Variants in CACNA1I observed in about 807,000 individuals in gnomAD.
The protein encoded by CACNA1I is voltage-dependent T-type calcium channel subunit alpha-1I.
CACNA1I carries 74 observed loss-of-function variants against 201.6 expected under a neutral mutation model. The ratio of observed to expected loss-of-function variants is 0.37; its 90% confidence interval spans 0.30 to 0.45. CACNA1I has a LOEUF of 0.45. Ranked by LOEUF, CACNA1I falls within the 20% of genes least tolerant of loss-of-function variation. The probability of loss-of-function intolerance (pLI) is 1.00; values close to 1 mark genes in which losing one functional copy is unlikely to be tolerated. For missense variants in CACNA1I, 2,346 were observed against 3,138.1 expected (o/e 0.75, Z 6.03); for synonymous variants, 1,431 against 1,345.2 (o/e 1.06, Z -1.40).
chr22:39,675,312 A>C (rs1935486267), intron 29 of CACNA1I, among the ~76,000 whole-genome samples: 1 of 152,220 alleles, frequency 6.6e-6, no homozygotes, highest in Non-Finnish European at 1.5e-5. Context: ...AGTGCCATTT[A>C]AGAGGCTGCT....
intron 3 of CACNA1I, among the ~76,000 whole-genome samples, chr22:39,602,871 G>A (rs1933108807): frequency 6.6e-6 from 1 of 152,074 alleles, no homozygotes; most frequent in Non-Finnish European, 1.5e-5. Context: ...GGTGCTTTTG[G>A]CCAGGTGCAG....
intron 27 of CACNA1I, 36 bp from the exon 28 acceptor site, chr22:39,672,913 A>G: frequency 1.3e-6 from 2 of 1,593,874 alleles, no homozygotes; most frequent in Non-Finnish European, 1.7e-6. Flanking sequence ...GATCCTCCTC[A>G]TGCCCACTCC....
chr22:39,661,217 C>G lies in CACNA1I; in HGVS notation c.2808C>G (p.Leu936=), dbSNP rs1228935382. 3.1e-6 allele frequency: 5 copies of G among 1,612,312 alleles called. No homozygotes were observed. The highest frequency in any genetic ancestry group is 1.7e-4 in the Middle Eastern group (1 of 6,060). The part of the protein sequence containing the change: ...PAGAAGPAPR[L]SLQPDPMLVA... ...GGGCTGCGGGACCTGCCCCCCGACT[C>G]TCACTGCAGCCGGACCCCATGCTGG... The change falls in exon 16 of 37, where the codon CTC becomes CTG. Residue 936 remains leucine (L), a synonymous_variant. Transcript: ENST00000402142.
In CACNA1I at chr22:39,648,044, T is replaced by G. The variant is rs1934543907; in HGVS notation, c.1567+118T>G. 3 of 846,640 alleles carry G rather than the reference T, an allele frequency of 3.5e-6. No homozygotes were observed. The highest frequency in any genetic ancestry group is 5.6e-6 in the Non-Finnish European group (3 of 534,232). The allele number at this position is 846,640 out of a possible 1,614,324, so 52.4% of individuals were successfully genotyped here. On this transcript the variant is annotated intron_variant, in intron 9 of 36. Coordinates refer to ENST00000402142, the MANE Select transcript of CACNA1I (RefSeq NM_021096.4). The surrounding 1 kb of genome is among the most constrained non-coding windows in gnomAD (Gnocchi z 5.4). ...CGGCGCTTGAGCAGCCGCGACCCTC[T>G]GCAGGCCTGTCTCCCTCTATAAAGT...
intron 4 of CACNA1I, among the ~76,000 whole-genome samples, chr22:39,624,456 C>T (rs757776060): frequency 1.3e-5 from 2 of 152,340 alleles, no homozygotes; most frequent in East Asian, 1.9e-4. Flanking sequence ...TAGTGGCCAC[C>T]GCTGGGCAGT....
At position 39,646,592 on chromosome 22, in the gene CACNA1I, C is replaced by T; in HGVS notation, c.1173C>T (p.Asn391=). 1 of 1,565,436 alleles carries T rather than the reference C, an allele frequency of 6.4e-7. No homozygotes were observed. ...AGGTGGGCTCCTTCTTCATGATCAA[C>T]CTGTGCCTCGTTGTCATAGCGACCC... is the stretch of plus-strand genomic sequence containing the variant. ...LIIVGSFFMI[N]LCLVVIATQF... is the part of the protein sequence containing the mutation. The change falls in exon 8 of 37, where the codon AAC becomes AAT. Residue 391 remains asparagine (N), a synonymous_variant. Coordinates refer to ENST00000402142, the MANE Select transcript of CACNA1I (RefSeq NM_021096.4).
Position 39,666,099 on chromosome 22 carries a change from C to A in CACNA1I, c.4104+93C>A. 6.9e-7 allele frequency: 1 copy of A among 1,450,642 alleles called. No homozygotes were observed. The highest frequency in any genetic ancestry group is 9.4e-7 in the Non-Finnish European group (1 of 1,062,160). The allele number at this position is 1,450,642 out of a possible 1,614,324, so 89.9% of individuals were successfully genotyped here. ...ACAGACCTGGCTTGTCTTGCACTGC[C>A]AGGACTGACACTGACTTCTCCTCTC... On this transcript the variant is annotated intron_variant, in intron 23 of 36. Transcript: ENST00000402142. This position sits in a 1 kb window ranked among gnomAD's most constrained non-coding sequence, Gnocchi z 4.1.
chr22:39,647,703 C>A, intron 8 of CACNA1I, 119 bp from the exon 9 acceptor site: 1 of 709,608 alleles, frequency 1.4e-6, no homozygotes, highest in Non-Finnish European at 2.5e-6. Context: ...CATGAGCCAC[C>A]GCCCCTGGCC....
intron 4 of CACNA1I, among the ~76,000 whole-genome samples, chr22:39,622,935 G>A (rs547845259): frequency 2.0e-5 from 3 of 152,312 alleles, no homozygotes; most frequent in South Asian, 4.1e-4. Flanking sequence ...TCCAGGCCAC[G>A]GAGCCCACAG....
At chr22:39,620,958 A>G (rs1036525540) in intron 4 of CACNA1I, among the ~76,000 whole-genome samples, 6 of 152,048 alleles carry the variant, frequency 3.9e-5, no homozygotes, top group Non-Finnish European at 8.8e-5. Flanking sequence ...AGGTTTCACC[A>G]TATTGGTCAG....
rs139767087 is a variant in CACNA1I at position 39,665,805 on chromosome 22, C to G, written c.3979-76C>G. 3.6e-5 allele frequency: 57 copies of G among 1,594,880 alleles called. No homozygotes were observed. Among genetic ancestry groups the G allele is most frequent in the Admixed American group, 8.4e-5 (5 of 59,828 alleles). ...CTGAGCACAAGACAGTCTGAGTAAA[C>G]GCGATCGAGAGGCGAGTTCCTCTCT... On this transcript the variant is annotated intron_variant, in intron 22 of 36. Coordinates refer to ENST00000402142, the MANE Select transcript of CACNA1I (RefSeq NM_021096.4). The surrounding 1 kb of genome is among the most constrained non-coding windows in gnomAD (Gnocchi z 5.5).
At chr22:39,621,324 TC>T (rs1413119999) in intron 4 of CACNA1I, among the ~76,000 whole-genome samples, 1 of 151,398 alleles carries the variant, frequency 6.6e-6, no homozygotes, top group African/African-American at 2.4e-5. Flanking sequence ...TGGCACCTGC[TC>T]CCCCTCCACA....
At chr22:39,670,333 GAT>G in intron 25 of CACNA1I, 103 bp downstream of exon 25, 1 of 1,206,152 alleles carries the variant, frequency 8.3e-7, no homozygotes, top group Non-Finnish European at 1.1e-6. Context: ...GGGAACAAAA[GAT>G]ACAGCCCCTG....
chr22:39,680,987 C>A lies in CACNA1I; in HGVS notation c.5599C>A (p.Leu1867Met), dbSNP rs1279002340. The change falls in exon 34 of 37, where the codon CTG becomes ATG. Residue 1867 changes from leucine (L) to methionine (M), a missense_variant. Transcript: ENST00000402142. ...GAACTCAGACAGGTCCTCGTCCATC[C>A]TGCTGGGTGACGACCTGAGTCTCGA... ...SLNSDRSSSI[L>M]LGDDLSLEDP... 5 of 1,612,062 alleles carry A rather than the reference C, an allele frequency of 3.1e-6. No individual in the cohort carries two copies. Among genetic ancestry groups the A allele is most frequent in the Non-Finnish European group, 4.2e-6 (5 of 1,179,570 alleles).
intron 4 of CACNA1I, among the ~76,000 whole-genome samples, chr22:39,622,402 G>A (rs1046476669): frequency 1.3e-4 from 20 of 151,742 alleles, no homozygotes; most frequent in Non-Finnish European, 2.2e-4. Flanking sequence ...CGGCAGTAGC[G>A]GGGGTTCAGG....
At chr22:39,674,567 T>C (rs2082947694) in intron 29 of CACNA1I, among the ~76,000 whole-genome samples, 1 of 152,186 alleles carries the variant, frequency 6.6e-6, no homozygotes, top group African/African-American at 2.4e-5. Context: ...GAAGTTGCTC[T>C]ACCCGCACCC....
chr22:39,673,918 C>G (rs757685290), intron 28 of CACNA1I, 45 bp from the exon 29 acceptor site: 3 of 1,594,468 alleles, frequency 1.9e-6, no homozygotes, highest in Non-Finnish European at 2.6e-6. Flanking sequence ...ACACACGTCC[C>G]CACCGGCCTG....
intron 7 of CACNA1I, among the ~76,000 whole-genome samples, chr22:39,645,176 A>AG (rs1276076175): frequency 6.6e-6 from 1 of 152,018 alleles, no homozygotes; most frequent in Non-Finnish European, 1.5e-5. Context: ...TAGTAGAGAC[A>AG]GGATTTCATG....
At chr22:39,587,895 C>T (rs913486410) in intron 1 of CACNA1I, 4 of 302,804 alleles carry the variant, frequency 1.3e-5, no homozygotes, top group African/African-American at 9.1e-5. Flanking sequence ...CCTGCCTCAG[C>T]TTCTGGAGTA....
Sources: gnomAD v4.1 joint callset for allele counts (sites outside exome capture counted in the v4.1 genomes callset) on GRCh38, gnomAD v4.1.1 for gene constraint, Gnocchi (gnomAD v3.1) non-coding constraint, MANE v1.5 for transcripts, NCBI Gene and HGNC (gene_info 2026-07-23, HGNC 2026-07-21) for gene names.